EHBP1: variants seen among roughly 807,000 people sequenced by gnomAD.
EHBP1 encodes the protein EH domain binding protein 1, also known as EH domain-binding protein 1.
In EHBP1, 55 loss-of-function variants were observed where a neutral mutation model predicts 144.0. That is an observed-to-expected ratio of 0.38 (90% confidence interval 0.31 to 0.48). The LOEUF (loss-of-function observed/expected upper bound fraction) is 0.48, where lower values mean the gene tolerates loss of function less well. Among genes scored for constraint, EHBP1 ranks in the 20% least tolerant of loss-of-function variants. EHBP1 has a pLI of 0.98. For missense variants in EHBP1, 1,200 were observed against 1,364.2 expected (o/e 0.88, Z 1.90); for synonymous variants, 469 against 472.7 (o/e 0.99, Z 0.10).
intron 2 of EHBP1, among the ~76,000 whole-genome samples, chr2:62,718,529 G>A (rs1298420097): frequency 6.6e-6 from 1 of 152,128 alleles, no homozygotes; most frequent in East Asian, 1.9e-4. Context: ...AGAATTGCTG[G>A]GGTGCTTTGC....
chr2:62,785,830 G>T (rs1194704402), intron 5 of EHBP1, among the ~76,000 whole-genome samples: 1 of 151,840 alleles, frequency 6.6e-6, no homozygotes, highest in Non-Finnish European at 1.5e-5. Flanking sequence ...TACCATTCCA[G>T]TCTTTTCCAG....
At chr2:62,992,146 A>G (rs764358709) in intron 16 of EHBP1, among the ~76,000 whole-genome samples, 6 of 152,208 alleles carry the variant, frequency 3.9e-5, no homozygotes, top group Non-Finnish European at 7.3e-5. Context: ...GGCTAATCGC[A>G]CTGATATTTT....
rs999442622 is a variant in EHBP1, at chr2:62,872,369, A to G, written c.999-1977A>G. ...AAATAATTGTCTTTTAGAGTGATGC[A>G]TAAAGTTCTGAAATAGATTTTTCAA... On this transcript the variant is annotated intron_variant, in intron 9 of 22. Coordinates refer to ENST00000431489, the MANE Select transcript of EHBP1 (RefSeq NM_001142616.3). 4.6e-5 allele frequency among the ~76,000 whole-genome samples: 7 copies of G among 152,140 alleles called. No individual in the cohort carries two copies. The South Asian group carries it at 6.2e-4, about 13-fold the overall frequency.
At chr2:62,736,111 TCTTTTTCCTCTG>T (rs1040744372) in intron 2 of EHBP1, among the ~76,000 whole-genome samples, 1 of 152,082 alleles carries the variant, frequency 6.6e-6, no homozygotes, top group Non-Finnish European at 1.5e-5. Context: ...TGTTCCCTTT[TCTTTTTCCTCTG>T]CTTCTGGTAT....
At chr2:62,999,338 CA>C in intron 19 of EHBP1, among the ~76,000 whole-genome samples, 1 of 152,026 alleles carries the variant, frequency 6.6e-6, no homozygotes, top group African/African-American at 2.4e-5. Flanking sequence ...ATTTGAAATT[CA>C]CATAATATAA....
chr2:62,925,271 T>C (rs1355949009), intron 10 of EHBP1, among the ~76,000 whole-genome samples: 1 of 152,022 alleles, frequency 6.6e-6, no homozygotes, highest in African/African-American at 2.4e-5. Flanking sequence ...GGTGAAAGCT[T>C]TTTCTGTCAG....
intron 7 of EHBP1, among the ~76,000 whole-genome samples, chr2:62,845,682 G>A (rs1056925418): frequency 6.7e-6 from 1 of 148,752 alleles, no homozygotes; most frequent in African/African-American, 2.5e-5. Context: ...TCATAGGATT[G>A]TTATGGGCTC....
At chr2:62,747,493 C>A in intron 3 of EHBP1, 41 bp downstream of exon 3, 1 of 1,452,946 alleles carries the variant, frequency 6.9e-7, no homozygotes, top group Non-Finnish European at 9.5e-7. Context: ...TTGTTGAATA[C>A]AAATTAGCAA....
intron 19 of EHBP1, among the ~76,000 whole-genome samples, chr2:63,002,156 G>C (rs2059875198): frequency 6.6e-6 from 1 of 152,114 alleles, no homozygotes; most frequent in African/African-American, 2.4e-5. Context: ...TCTTTAGAAG[G>C]TTCTCAAATT....
At chr2:62,729,919 T>C (rs2037343494) in intron 2 of EHBP1, among the ~76,000 whole-genome samples, 1 of 152,050 alleles carries the variant, frequency 6.6e-6, no homozygotes. Context: ...GGGGTAGTTT[T>C]AATATGTACA....
chr2:62,900,209 A>G (rs1365335907), intron 10 of EHBP1, among the ~76,000 whole-genome samples: 1 of 152,208 alleles, frequency 6.6e-6, no homozygotes, highest in East Asian at 1.9e-4. Context: ...GAAAATAAAA[A>G]AATGAAGACT....
At chr2:62,825,552 G>T (rs552648242) in intron 5 of EHBP1, among the ~76,000 whole-genome samples, 2 of 151,656 alleles carry the variant, frequency 1.3e-5, no homozygotes, top group East Asian at 1.9e-4. Flanking sequence ...TAAAAAAAAG[G>T]CCTGGGGAAG....
chr2:62,685,858 G>A (rs1319798654), intron 1 of EHBP1, among the ~76,000 whole-genome samples: 5 of 152,004 alleles, frequency 3.3e-5, no homozygotes, highest in Non-Finnish European at 5.9e-5. Context: ...GATTACTAAT[G>A]GATATAAAAC....
At chr2:62,979,866 G>C (rs115049666) in intron 15 of EHBP1, among the ~76,000 whole-genome samples, 2,219 of 152,152 alleles carry the variant, frequency 0.015, 64 homozygotes, top group African/African-American at 0.051. Flanking sequence ...ATCTAAGCTT[G>C]ATGTTGGGAC....
chr2:62,708,650 T>G (rs1286906716), intron 2 of EHBP1, among the ~76,000 whole-genome samples: 1 of 152,214 alleles, frequency 6.6e-6, no homozygotes, highest in Non-Finnish European at 1.5e-5. Flanking sequence ...GATGCCATTA[T>G]TATGTACAGA....
chr2:62,898,435 C>G (rs1209207509), intron 10 of EHBP1, among the ~76,000 whole-genome samples: 4 of 152,134 alleles, frequency 2.6e-5, no homozygotes, highest in Non-Finnish European at 4.4e-5. Flanking sequence ...TATATATTAT[C>G]TTTCACAGTA....
chr2:62,971,423 T>C (rs776011579), intron 14 of EHBP1, among the ~76,000 whole-genome samples: 1 of 152,212 alleles, frequency 6.6e-6, no homozygotes, highest in Non-Finnish European at 1.5e-5. Context: ...AATTAGTTGC[T>C]CATCATCTCT....
chr2:62,687,700 A>G (rs1334661253), intron 1 of EHBP1, among the ~76,000 whole-genome samples: 2 of 152,214 alleles, frequency 1.3e-5, no homozygotes, highest in Non-Finnish European at 2.9e-5. Flanking sequence ...GTTCTATGAA[A>G]TGGTTTGTAA....
At chr2:63,007,982 A>C (rs1472626148) in intron 19 of EHBP1, among the ~76,000 whole-genome samples, 2 of 151,734 alleles carry the variant, frequency 1.3e-5, no homozygotes, top group Non-Finnish European at 3.0e-5. Flanking sequence ...CCATATGTGC[A>C]GTGGTCTTAG....
Sources: allele counts gnomAD v4.1 joint callset (sites outside exome capture counted in the v4.1 genomes callset), GRCh38; gene constraint gnomAD v4.1.1; transcripts MANE v1.5; gene names NCBI Gene and HGNC (gene_info 2026-07-23, HGNC 2026-07-21).